The following VDAC1 variants were observed in gnomAD, a reference collection of about 807,000 sequenced individuals.
The protein encoded by VDAC1 is non-selective voltage-gated ion channel VDAC1.
VDAC1 carries 10 observed loss-of-function variants against 34.7 expected under a neutral mutation model. That is an observed-to-expected ratio of 0.29 (90% CI 0.18 to 0.49). The LOEUF is 0.49. VDAC1 is among the 20% of genes least tolerant of loss of function. VDAC1 has a pLI of 0.99. For synonymous variants in VDAC1, 130 were observed against 136.0 expected (o/e 0.96, Z 0.30); for missense variants, 230 against 347.9 (o/e 0.66, Z 2.69).
At chr5:134,035,372 G>C in the VDAC1 span, among the ~76,000 whole-genome samples, 1 of 152,182 alleles carries the variant, frequency 6.6e-6, no homozygotes, top group African/African-American at 2.4e-5. Context: ...CTCGCAAGTA[G>C]CTGGGACTAC....
At chr5:134,017,800 C>T in the VDAC1 span, among the ~76,000 whole-genome samples, 4 of 152,136 alleles carry the variant, frequency 2.6e-5, no homozygotes, top group South Asian at 2.1e-4. Flanking sequence ...GTAGTCCCAG[C>T]TACTCGAGAG....
At chr5:134,089,209 G>T in the VDAC1 span, among the ~76,000 whole-genome samples, 6 of 152,216 alleles carry the variant, frequency 3.9e-5, no homozygotes, top group African/African-American at 1.4e-4. Flanking sequence ...GCAAAGCTTT[G>T]CATAGGGGCA....
At chr5:134,107,497 A>G in the VDAC1 span, among the ~76,000 whole-genome samples, 1 of 152,190 alleles carries the variant, frequency 6.6e-6, no homozygotes, top group East Asian at 1.9e-4. Flanking sequence ...ACATCTGGAG[A>G]TGGCCATCTC....
intron 5 of VDAC1, among the ~76,000 whole-genome samples, chr5:133,983,106 G>C (rs918096902): frequency 2.0e-5 from 3 of 151,800 alleles, no homozygotes; most frequent in African/African-American, 7.3e-5. Context: ...AAAATTAGCC[G>C]GGTGTGGTGG....
At chr5:134,093,760 C>T in the VDAC1 span, among the ~76,000 whole-genome samples, 17 of 152,206 alleles carry the variant, frequency 1.1e-4, no homozygotes, top group Non-Finnish European at 2.5e-4. Flanking sequence ...CACCTGCACC[C>T]ACAGAGTTCT....
At chr5:134,051,871 G>GT in the VDAC1 span, among the ~76,000 whole-genome samples, 1 of 151,656 alleles carries the variant, frequency 6.6e-6, no homozygotes, top group African/African-American at 2.4e-5. Flanking sequence ...GCTAATTTTT[G>GT]TATCTTTGTA....
At chr5:134,000,960 C>T (rs959544090) in intron 1 of VDAC1, among the ~76,000 whole-genome samples, 1 of 152,196 alleles carries the variant, frequency 6.6e-6, no homozygotes, top group African/African-American at 2.4e-5. Flanking sequence ...CCCACCAGAT[C>T]CCAGGGAAAA....
the VDAC1 span, among the ~76,000 whole-genome samples, chr5:134,061,693 A>T: frequency 6.6e-6 from 1 of 151,600 alleles, no homozygotes; most frequent in African/African-American, 2.4e-5. Context: ...TTATGAAGAC[A>T]ATCATGTCTT....
the VDAC1 span, among the ~76,000 whole-genome samples, chr5:134,073,812 T>C: frequency 7.2e-6 from 1 of 138,952 alleles, no homozygotes; most frequent in African/African-American, 3.3e-5. Flanking sequence ...CTCAGACTTG[T>C]GTGTGTGTGT....
chr5:134,035,952 G>A, the VDAC1 span, among the ~76,000 whole-genome samples: 7 of 145,524 alleles, frequency 4.8e-5, no homozygotes, highest in African/African-American at 1.8e-4. Flanking sequence ...GTTGCAATGA[G>A]CCGAGATCGC....
intron 1 of VDAC1, among the ~76,000 whole-genome samples, chr5:134,003,401 G>A (rs1753635239): frequency 6.6e-6 from 1 of 152,178 alleles, no homozygotes; most frequent in Non-Finnish European, 1.5e-5. Context: ...AGGGACCCCG[G>A]GCGGAACGGG....
chr5:134,077,933 T>C, the VDAC1 span, among the ~76,000 whole-genome samples: 6 of 152,258 alleles, frequency 3.9e-5, no homozygotes, highest in Non-Finnish European at 2.9e-5. Flanking sequence ...CCCTTCCCTT[T>C]GGGCCTGCCC....
the VDAC1 span, among the ~76,000 whole-genome samples, chr5:134,014,003 C>T: frequency 1.3e-5 from 2 of 150,928 alleles, no homozygotes; most frequent in African/African-American, 4.9e-5. Flanking sequence ...CAAAAGAAGA[C>T]ATACAGCCAG....
chr5:134,000,698 G>A (rs1291163713), intron 1 of VDAC1, among the ~76,000 whole-genome samples: 2 of 36,056 alleles, frequency 5.5e-5, no homozygotes, highest in East Asian at 1.5e-3. Context: ...GCTCTAATAT[G>A]GAGAAAGAGA....
At chr5:134,048,180 G>C in the VDAC1 span, among the ~76,000 whole-genome samples, 7 of 152,120 alleles carry the variant, frequency 4.6e-5, no homozygotes, top group Admixed American at 6.5e-5. Context: ...CTGTTAGCCA[G>C]GATGGTCTTG....
chr5:133,991,789 G>A (rs553836129), intron 3 of VDAC1, among the ~76,000 whole-genome samples: 3 of 151,544 alleles, frequency 2.0e-5, no homozygotes, highest in Non-Finnish European at 4.4e-5. Context: ...GCCAGGTCAC[G>A]ACAGTTATTT....
chr5:134,011,783 G>A, the VDAC1 span, among the ~76,000 whole-genome samples: 1 of 152,160 alleles, frequency 6.6e-6, no homozygotes, highest in Non-Finnish European at 1.5e-5. Flanking sequence ...GGGATTACAG[G>A]TGCCCACCAC....
chr5:134,084,189 T>C, the VDAC1 span, among the ~76,000 whole-genome samples: 2 of 152,078 alleles, frequency 1.3e-5, no homozygotes, highest in Non-Finnish European at 2.9e-5. Context: ...GGAGGAGGAA[T>C]GAGAGGATCC....
the VDAC1 span, among the ~76,000 whole-genome samples, chr5:134,010,324 G>A: frequency 3.3e-5 from 5 of 152,122 alleles, no homozygotes; most frequent in South Asian, 2.1e-4. Flanking sequence ...GGGTCCGGGC[G>A]TGGTGGCTCA....
Sources: allele counts gnomAD v4.1 joint callset (sites outside exome capture counted in the v4.1 genomes callset), GRCh38; gene constraint gnomAD v4.1.1; transcripts MANE v1.5; gene names NCBI Gene and HGNC (gene_info 2026-07-23, HGNC 2026-07-21).